The following RBFOX1 variants were observed in gnomAD, a reference collection of about 807,000 sequenced individuals.
RBFOX1 encodes the protein RNA binding fox-1 homolog 1, also known as RNA binding protein fox-1 homolog 1.
RBFOX1 carries 8 observed loss-of-function variants against 57.7 expected under a neutral mutation model. The ratio of observed to expected loss-of-function variants is 0.14; its 90% CI spans 0.08 to 0.25. RBFOX1 has a LOEUF of 0.25. Among genes scored for constraint, RBFOX1 ranks in the 10% least tolerant of loss-of-function variants. The pLI, the probability that RBFOX1 is intolerant of heterozygous loss-of-function variation, is 1.00. For synonymous variants in RBFOX1, 326 were observed against 222.4 expected (o/e 1.47, Z -4.15); for missense variants, 611 against 548.5 (o/e 1.11, Z -1.14).
intron 11 of RBFOX1, among the ~76,000 whole-genome samples, chr16:7,639,201 G>A (rs2062326032): frequency 1.3e-5 from 2 of 152,056 alleles, no homozygotes; most frequent in African/African-American, 2.4e-5. Context: ...AGTTTCCTTG[G>A]GCAAAATGTG....
chr16:5,787,919 A>C (rs1208853123), intron 3 of RBFOX1, among the ~76,000 whole-genome samples: 2 of 152,246 alleles, frequency 1.3e-5, no homozygotes, highest in African/African-American at 4.8e-5. Context: ...CATTCACTGA[A>C]GATTTGGGCA....
chr16:6,315,204 G>A (rs2152772278), intron 1 of RBFOX1, among the ~76,000 whole-genome samples: 1 of 152,384 alleles, frequency 6.6e-6, no homozygotes, highest in African/African-American at 2.4e-5. Flanking sequence ...AAGAAAGGTT[G>A]AGTGACTTGG....
intron 3 of RBFOX1, among the ~76,000 whole-genome samples, chr16:5,614,184 G>C (rs572031215): frequency 6.6e-6 from 1 of 152,110 alleles, no homozygotes; most frequent in Non-Finnish European, 1.5e-5. Flanking sequence ...GTCCTGTCAC[G>C]TACAGCCTGA....
intron 7 of RBFOX1, among the ~76,000 whole-genome samples, chr16:7,591,882 A>C (rs975977408): frequency 2.1e-4 from 32 of 152,220 alleles, no homozygotes; most frequent in African/African-American, 6.8e-4. Context: ...GAGGCGGGTC[A>C]GAAAAAACAA....
intron 4 of RBFOX1, among the ~76,000 whole-genome samples, chr16:7,292,193 A>G (rs1158299488): frequency 8.1e-6 from 1 of 122,878 alleles, no homozygotes; most frequent in Non-Finnish European, 1.6e-5. Flanking sequence ...TATGATATAG[A>G]ACGTATTATA....
chr16:7,386,985 A>G lies in RBFOX1; in HGVS notation c.28-131162A>G, dbSNP rs9922512. Among the ~76,000 whole-genome samples the G allele has an allele frequency of 3.2e-3, 495 of 152,324 alleles. 3 individuals carry two copies. Among genetic ancestry groups the G allele is most frequent in the African/African-American group, 0.011 (477 of 41,586 alleles). ...GCATTTCTCTAATGACCAGTGATAA[A>G]GAGCATTTATTCATATGTTTGTTGG... is the stretch of plus-strand genomic sequence containing the variant. On this transcript the variant is annotated intron_variant, in intron 4 of 15. Coordinates refer to ENST00000550418, the MANE Select transcript of RBFOX1 (RefSeq NM_018723.4).
At chr16:6,892,552 CTCT>C (rs2065714687) in intron 3 of RBFOX1, among the ~76,000 whole-genome samples, 1 of 152,148 alleles carries the variant, frequency 6.6e-6, no homozygotes, top group African/African-American at 2.4e-5. Context: ...CACCTGTAAT[CTCT>C]GCTACTCAGG....
At chr16:7,506,571 C>T (rs983818112) in intron 4 of RBFOX1, among the ~76,000 whole-genome samples, 1 of 151,166 alleles carries the variant, frequency 6.6e-6, no homozygotes, top group Non-Finnish European at 1.5e-5. Context: ...ACCATTATTA[C>T]CATCACCTTC....
intron 2 of RBFOX1, among the ~76,000 whole-genome samples, chr16:6,466,811 G>A (rs1007328044): frequency 3.9e-5 from 6 of 151,986 alleles, no homozygotes; most frequent in African/African-American, 1.2e-4. Flanking sequence ...TACAGAAGAA[G>A]CAAAGAAAAA....
At chr16:6,921,197 C>G (rs2074372314) in intron 3 of RBFOX1, among the ~76,000 whole-genome samples, 1 of 152,148 alleles carries the variant, frequency 6.6e-6, no homozygotes, top group South Asian at 2.1e-4. Flanking sequence ...GTTTTCTATT[C>G]TGTGTTACAA....
At chr16:6,557,743 A>G (rs2097125214) in intron 2 of RBFOX1, among the ~76,000 whole-genome samples, 1 of 152,224 alleles carries the variant, frequency 6.6e-6, no homozygotes, top group African/African-American at 2.4e-5. Flanking sequence ...TTCGGTATAA[A>G]TTGATTTGCT....
intron 2 of RBFOX1, among the ~76,000 whole-genome samples, chr16:6,480,444 TTC>T: frequency 6.6e-6 from 1 of 152,224 alleles, no homozygotes; most frequent in Non-Finnish European, 1.5e-5. Flanking sequence ...TAAAACCTCA[TTC>T]ATGGATGCTG....
intron 3 of RBFOX1, among the ~76,000 whole-genome samples, chr16:6,804,316 C>A (rs28499537): frequency 9.9e-5 from 15 of 152,070 alleles, no homozygotes; most frequent in African/African-American, 3.6e-4. Context: ...CCAATACATA[C>A]AAATTTTAAC....
rs541388128 is a variant in RBFOX1, at chr16:7,209,931, T to C, written c.27+157833T>C. On this transcript the variant is annotated intron_variant, in intron 4 of 15. Coordinates refer to ENST00000550418, the MANE Select transcript of RBFOX1 (RefSeq NM_018723.4). The stretch of plus-strand genomic sequence containing the variant: ...GTTCCATGATGCACCATAGAGTTGA[T>C]GGTAGGCAGGCAAAATGAAAGCTTT... Among the ~76,000 whole-genome samples, 134 of 152,292 alleles carry C rather than the reference T, an allele frequency of 8.8e-4. 1 individual carries two copies. The highest frequency in any genetic ancestry group is 3.2e-3 in the African/African-American group (133 of 41,572).
chr16:6,227,555 G>C (rs76569462), intron 1 of RBFOX1, among the ~76,000 whole-genome samples: 1 of 152,182 alleles, frequency 6.6e-6, no homozygotes, highest in East Asian at 1.9e-4. Context: ...AAGTGAGCTT[G>C]TACACACCTT....
chr16:6,767,447 C>A (rs1000791207), intron 3 of RBFOX1, among the ~76,000 whole-genome samples: 1 of 152,152 alleles, frequency 6.6e-6, no homozygotes, highest in Non-Finnish European at 1.5e-5. Flanking sequence ...CTATAATTAT[C>A]CTGAGGTTTT....
At chr16:5,497,622 C>CAAAAAAAAAAAAAAAAAAA (rs911723996) in intron 2 of RBFOX1, among the ~76,000 whole-genome samples, 9 of 53,404 alleles carry the variant, frequency 1.7e-4, no homozygotes, top group African/African-American at 1.0e-3. Context: ...ACTAAAAATA[C>CAAAAAAAAAAAAAAAAAAA]AAAAAAAAAA....
intron 2 of RBFOX1, among the ~76,000 whole-genome samples, chr16:6,620,364 T>C (rs1208635815): frequency 2.0e-5 from 3 of 152,174 alleles, no homozygotes. Flanking sequence ...GAGGGAAATG[T>C]ATAGCACTAA....
chr16:7,702,628 C>T (rs761912478), intron 14 of RBFOX1, among the ~76,000 whole-genome samples: 16 of 152,294 alleles, frequency 1.1e-4, no homozygotes, highest in African/African-American at 2.6e-4. Context: ...TGCGCCCTCC[C>T]CTTCTGGTCT....
Sources: gnomAD v4.1 joint callset for allele counts (sites outside exome capture counted in the v4.1 genomes callset) on GRCh38, gnomAD v4.1.1 for gene constraint, MANE v1.5 for transcripts, NCBI Gene and HGNC (gene_info 2026-07-23, HGNC 2026-07-21) for gene names.